Variants in RPS6KC1 observed in about 807,000 individuals in gnomAD.
The protein encoded by RPS6KC1 is ribosomal protein S6 kinase C1, also known as inactive ribosomal protein S6 kinase delta-1.
RPS6KC1 carries 54 observed loss-of-function variants against 103.8 expected under a neutral mutation model. The observed-to-expected ratio is 0.52, with a 90% CI of 0.42 to 0.65. The LOEUF is 0.65. Ranked by LOEUF, RPS6KC1 falls within the 30% of genes least tolerant of loss-of-function variation. The pLI, the probability that RPS6KC1 is intolerant of heterozygous loss-of-function variation, is 0.00. For synonymous variants in RPS6KC1, 439 were observed against 438.7 expected (o/e 1.00, Z -0.01); for missense variants, 1,151 against 1,253.8 (o/e 0.92, Z 1.24).
the RPS6KC1 span, among the ~76,000 whole-genome samples, chr1:213,360,254 T>G: frequency 3.9e-5 from 6 of 152,274 alleles, no homozygotes; most frequent in East Asian, 1.2e-3. Context: ...CTTTGTTCGT[T>G]TCTTTTTATT....
chr1:213,446,004 C>G, the RPS6KC1 span, among the ~76,000 whole-genome samples: 1 of 152,202 alleles, frequency 6.6e-6, no homozygotes, highest in Non-Finnish European at 1.5e-5. Flanking sequence ...GGCACGAATG[C>G]AGTCCAGGTC....
the RPS6KC1 span, among the ~76,000 whole-genome samples, chr1:213,602,078 C>CTT: frequency 0.012 from 447 of 38,546 alleles, 70 homozygotes; most frequent in African/African-American, 0.052. Flanking sequence ...TTCTTTCTTT[C>CTT]TCTTTCTTTC....
chr1:213,419,962 G>A, the RPS6KC1 span, among the ~76,000 whole-genome samples: 4 of 152,288 alleles, frequency 2.6e-5, no homozygotes, highest in East Asian at 5.8e-4. Flanking sequence ...TTTAATGCAC[G>A]GAAACATTTC....
intron 8 of RPS6KC1, among the ~76,000 whole-genome samples, chr1:213,216,692 A>G (rs1387424819): frequency 6.6e-6 from 1 of 152,138 alleles, no homozygotes; most frequent in Admixed American, 6.5e-5. Flanking sequence ...CAGTGCAATC[A>G]AGCTAGAACT....
chr1:213,474,898 T>G, the RPS6KC1 span, among the ~76,000 whole-genome samples: 4 of 152,092 alleles, frequency 2.6e-5, no homozygotes, highest in African/African-American at 9.7e-5. Flanking sequence ...CTTTCCCCAT[T>G]CTCTCCCTTT....
At chr1:213,534,637 A>G in the RPS6KC1 span, among the ~76,000 whole-genome samples, 21 of 152,240 alleles carry the variant, frequency 1.4e-4, no homozygotes, top group African/African-American at 4.1e-4. Context: ...CTCCCATGGA[A>G]ATATGAACTG....
At chr1:213,509,685 C>A in the RPS6KC1 span, among the ~76,000 whole-genome samples, 7 of 152,094 alleles carry the variant, frequency 4.6e-5, no homozygotes, top group East Asian at 3.9e-4. Context: ...CCAAGAAATG[C>A]CAATTCTTAG....
chr1:213,517,672 G>T, the RPS6KC1 span, among the ~76,000 whole-genome samples: 1 of 152,146 alleles, frequency 6.6e-6, no homozygotes, highest in Admixed American at 6.5e-5. Flanking sequence ...TTTGGAATAG[G>T]TGTGGTGTGG....
the RPS6KC1 span, among the ~76,000 whole-genome samples, chr1:213,424,695 A>T: frequency 7.9e-5 from 12 of 152,208 alleles, no homozygotes; most frequent in Non-Finnish European, 1.6e-4. Flanking sequence ...TTTATGCAGG[A>T]TTTCACACCC....
rs150167854 is a variant in RPS6KC1, at chr1:213,177,579, C to T, written c.1044+1087C>T. ...TGGCAAGGATCATTTTTCTCAAATT[C>T]ATATTACTGAATTTTGAACTTAAAA... On this transcript the variant is annotated intron_variant, in intron 8 of 14. Coordinates refer to ENST00000366960, the MANE Select transcript of RPS6KC1 (RefSeq NM_012424.6). Among the ~76,000 whole-genome samples, 3 of 152,260 alleles carry T rather than the reference C, an allele frequency of 2.0e-5. 1 individual carries two copies. The highest frequency in any genetic ancestry group is 7.2e-5 in the African/African-American group (3 of 41,548).
the RPS6KC1 span, among the ~76,000 whole-genome samples, chr1:213,525,558 A>T: frequency 6.6e-6 from 1 of 152,218 alleles, no homozygotes; most frequent in Non-Finnish European, 1.5e-5. Flanking sequence ...ACTGGAGTGG[A>T]TAAAGAGAAA....
the RPS6KC1 span, among the ~76,000 whole-genome samples, chr1:213,296,158 A>C: frequency 6.6e-6 from 1 of 152,216 alleles, no homozygotes; most frequent in African/African-American, 2.4e-5. Context: ...TTTTGGTAAA[A>C]TTCCATCAAA....
At chr1:213,717,860 C>T in the RPS6KC1 span, among the ~76,000 whole-genome samples, 2 of 152,170 alleles carry the variant, frequency 1.3e-5, no homozygotes, top group African/African-American at 4.8e-5. Flanking sequence ...GTGTGAGCCT[C>T]TTCCCAGAGC....
chr1:213,145,967 G>GTT (rs71573864), intron 6 of RPS6KC1, among the ~76,000 whole-genome samples: 897 of 47,822 alleles, frequency 0.019, 121 homozygotes, highest in African/African-American at 0.025. Context: ...CATTCATTCT[G>GTT]TTTTTTTTTT....
the RPS6KC1 span, among the ~76,000 whole-genome samples, chr1:213,337,888 G>A: frequency 0.55 from 84,339 of 152,032 alleles, 25,956 homozygotes; most frequent in Non-Finnish European, 0.69. Context: ...ACAAAAGTAC[G>A]TACTGTAGTA....
chr1:213,448,845 A>G, the RPS6KC1 span, among the ~76,000 whole-genome samples: 11 of 151,386 alleles, frequency 7.3e-5, no homozygotes, highest in Admixed American at 3.3e-4. Flanking sequence ...CAAAGCTTTT[A>G]TAGAACATCT....
the RPS6KC1 span, among the ~76,000 whole-genome samples, chr1:213,799,269 C>T: frequency 1.3e-5 from 2 of 152,258 alleles, no homozygotes; most frequent in Middle Eastern, 6.8e-3. Flanking sequence ...GGAAGGACAA[C>T]ACTGAGTTGG....
At chr1:213,308,566 T>C in the RPS6KC1 span, among the ~76,000 whole-genome samples, 1 of 152,200 alleles carries the variant, frequency 6.6e-6, no homozygotes, top group Non-Finnish European at 1.5e-5. Context: ...AATGTCTATC[T>C]TCCAAAAGTC....
At chr1:213,503,739 A>T in the RPS6KC1 span, among the ~76,000 whole-genome samples, 1 of 152,222 alleles carries the variant, frequency 6.6e-6, no homozygotes, top group Admixed American at 6.5e-5. Flanking sequence ...ACAGACAAAT[A>T]AAAATTGACG....
Sources: gnomAD v4.1 joint callset for allele counts (sites outside exome capture counted in the v4.1 genomes callset) on GRCh38, gnomAD v4.1.1 for gene constraint, MANE v1.5 for transcripts, NCBI Gene and HGNC (gene_info 2026-07-23, HGNC 2026-07-21) for gene names.